The following CMSS1 variants were observed in gnomAD, a reference collection of about 807,000 sequenced individuals.
CMSS1 encodes protein CMSS1.
CMSS1 carries 33 observed loss-of-function variants against 43.5 expected under a neutral mutation model. That is an observed-to-expected ratio of 0.76 (90% CI 0.57 to 1.01). The LOEUF (loss-of-function observed/expected upper bound fraction) is 1.01, where lower values mean the gene tolerates loss of function less well. Ranked by LOEUF, CMSS1 falls within the 50% of genes least tolerant of loss-of-function variation. The probability of loss-of-function intolerance (pLI) is 0.00; values close to 1 mark genes in which losing one functional copy is unlikely to be tolerated. For synonymous variants in CMSS1, 115 were observed against 117.2 expected (o/e 0.98, Z 0.12); for missense variants, 313 against 326.4 (o/e 0.96, Z 0.32).
chr3:100,165,406 T>C (rs2067057957), intron 4 of CMSS1, among the ~76,000 whole-genome samples: 1 of 152,094 alleles, frequency 6.6e-6, no homozygotes, highest in Non-Finnish European at 1.5e-5. Flanking sequence ...CCAAACTCTA[T>C]TTTCATATGA....
At chr3:99,937,549 G>A (rs1199062559) in intron 1 of CMSS1, among the ~76,000 whole-genome samples, 3 of 152,176 alleles carry the variant, frequency 2.0e-5, no homozygotes, top group African/African-American at 7.2e-5. Flanking sequence ...GGCCTTGGGC[G>A]TCAGTGAGCC....
At chr3:99,823,643 C>T (rs138663013) in intron 1 of CMSS1, among the ~76,000 whole-genome samples, 173 of 152,328 alleles carry the variant, frequency 1.1e-3, no homozygotes, top group African/African-American at 4.0e-3. Context: ...GTCCCTCACT[C>T]ACCAGCTAGA....
chr3:99,975,577 C>T (rs1708945923), intron 1 of CMSS1, among the ~76,000 whole-genome samples: 1 of 150,704 alleles, frequency 6.6e-6, no homozygotes, highest in South Asian at 2.1e-4. Flanking sequence ...GCAAATGAGA[C>T]TCCGTCTCAA....
chr3:100,153,620 T>G (rs1438173675), intron 2 of CMSS1, among the ~76,000 whole-genome samples: 1 of 152,146 alleles, frequency 6.6e-6, no homozygotes, highest in Non-Finnish European at 1.5e-5. Flanking sequence ...AAGACACCAG[T>G]CACATTGAAT....
At chr3:99,905,610 A>C (rs576004378) in intron 1 of CMSS1, among the ~76,000 whole-genome samples, 49 of 152,328 alleles carry the variant, frequency 3.2e-4, no homozygotes, top group African/African-American at 1.2e-3. Context: ...ACACTTTTAC[A>C]TATGTGTGTA....
chr3:100,142,581 A>G (rs1486205837), intron 1 of CMSS1, among the ~76,000 whole-genome samples: 1 of 152,186 alleles, frequency 6.6e-6, no homozygotes. Context: ...TTTATTTTCA[A>G]CTAGATTGCT....
chr3:99,996,186 C>T (rs980987778), intron 1 of CMSS1, among the ~76,000 whole-genome samples: 3 of 152,230 alleles, frequency 2.0e-5, no homozygotes, highest in Admixed American at 2.0e-4. Flanking sequence ...AAATTTCTTC[C>T]ACCAGATACC....
intron 1 of CMSS1, among the ~76,000 whole-genome samples, chr3:100,003,116 G>A (rs1185754765): frequency 2.0e-5 from 3 of 152,146 alleles, no homozygotes; most frequent in Non-Finnish European, 4.4e-5. Flanking sequence ...CAGCACTGTA[G>A]CCTCACACTT....
chr3:99,904,094 A>G (rs1327458934), intron 1 of CMSS1, among the ~76,000 whole-genome samples: 1 of 152,202 alleles, frequency 6.6e-6, no homozygotes, highest in Non-Finnish European at 1.5e-5. Context: ...ACCTGGTTTA[A>G]GCTGCCCAAT....
chr3:99,966,905 A>T (rs1298610742), intron 1 of CMSS1, among the ~76,000 whole-genome samples: 2 of 152,202 alleles, frequency 1.3e-5, no homozygotes, highest in Non-Finnish European at 2.9e-5. Context: ...TGGATTGTAA[A>T]GTCTGGGTGA....
intron 1 of CMSS1, chr3:100,114,368 A>C (rs931120618): frequency 2.6e-5 from 4 of 152,254 alleles, no homozygotes; most frequent in African/African-American, 9.7e-5. Context: ...CTTACCCCAC[A>C]GCTTGCCAGT....
intron 1 of CMSS1, 63 bp downstream of exon 1, chr3:99,818,106 C>G (rs916626843): frequency 6.9e-5 from 105 of 1,514,388 alleles, no homozygotes; most frequent in Admixed American, 5.2e-4. Context: ...GCGCCTCAGC[C>G]CTGGTCGCTT....
At chr3:99,942,251 A>G (rs1240200603) in intron 1 of CMSS1, among the ~76,000 whole-genome samples, 1 of 152,016 alleles carries the variant, frequency 6.6e-6, no homozygotes, top group South Asian at 2.1e-4. Context: ...TGTTAATGGC[A>G]TTGTGTTTAT....
chr3:99,876,254 G>A, intron 1 of CMSS1: 1 of 982,098 alleles, frequency 1.0e-6, no homozygotes, highest in Non-Finnish European at 1.2e-6. Flanking sequence ...GTGCGGCGCT[G>A]TCGGCGGGGG....
At chr3:99,891,693 G>A (rs2107615145) in intron 1 of CMSS1, among the ~76,000 whole-genome samples, 1 of 152,148 alleles carries the variant, frequency 6.6e-6, no homozygotes, top group South Asian at 2.1e-4. Context: ...TGAAAACTAT[G>A]TCTAAAAGGA....
chr3:99,843,572 GAGTTGAAAATATTAAA>G (rs1215952022), intron 1 of CMSS1, among the ~76,000 whole-genome samples: 1 of 152,050 alleles, frequency 6.6e-6, no homozygotes, highest in African/African-American at 2.4e-5. Flanking sequence ...AACCCACTGT[GAGTTGAAAATATTAAA>G]AGTTGAAAAT....
intron 1 of CMSS1, among the ~76,000 whole-genome samples, chr3:99,886,087 A>G (rs1705885139): frequency 1.3e-5 from 2 of 152,206 alleles, no homozygotes; most frequent in Admixed American, 6.5e-5. Context: ...TGGAATATTC[A>G]AACAGAACAC....
At chr3:100,063,490 C>CT (rs1255436378) in intron 1 of CMSS1, among the ~76,000 whole-genome samples, 1 of 151,964 alleles carries the variant, frequency 6.6e-6, no homozygotes, top group Non-Finnish European at 1.5e-5. Flanking sequence ...GGTGAATTTA[C>CT]TTTAAAAAAA....
rs778959990 is a variant in CMSS1 at position 100,176,414 on chromosome 3, A to T, written c.755A>T (p.Glu252Val). The T allele has an allele frequency of 3.7e-6, 6 of 1,605,540 alleles. No homozygotes were observed. Among genetic ancestry groups the T allele is most frequent in the Non-Finnish European group, 5.1e-6 (6 of 1,172,414 alleles). ...TTGAGGAGAATGATGGACATTCCCG[A>T]GGTACCACGTAACCAGCAGTTGCCT... ...QKLRRMMDIP[E>V]IRKEVFELLE... The change falls in exon 9 of 10, where the codon GAG becomes GTG. Residue 252 changes from glutamate (E) to valine (V), a missense_variant and splice_region_variant. Glu to Val is a moderately radical substitution (Grantham distance 121). Coordinates refer to ENST00000421999, the MANE Select transcript of CMSS1 (RefSeq NM_032359.4).
Sources: gnomAD v4.1 joint callset for allele counts (sites outside exome capture counted in the v4.1 genomes callset) on GRCh38, gnomAD v4.1.1 for gene constraint, MANE v1.5 for transcripts, NCBI Gene and HGNC (gene_info 2026-07-23, HGNC 2026-07-21) for gene names.